Variants in KIAA1549L observed in about 807,000 individuals in gnomAD.
KIAA1549L encodes UPF0606 protein KIAA1549L.
In KIAA1549L, 88 loss-of-function variants were observed where a neutral mutation model predicts 160.7. The ratio of observed to expected loss-of-function variants is 0.55; its 90% CI spans 0.46 to 0.65. The LOEUF is 0.65. Among genes scored for constraint, KIAA1549L ranks in the 30% least tolerant of loss-of-function variants. The probability of loss-of-function intolerance (pLI) is 0.00; values close to 1 mark genes in which losing one functional copy is unlikely to be tolerated. For synonymous variants in KIAA1549L, 950 were observed against 976.7 expected (o/e 0.97, Z 0.51); for missense variants, 2,258 against 2,437.5 (o/e 0.93, Z 1.55).
At chr11:33,638,422 TAA>T (rs371077129) in intron 16 of KIAA1549L, among the ~76,000 whole-genome samples, 21 of 43,642 alleles carry the variant, frequency 4.8e-4, no homozygotes, top group East Asian at 4.7e-3. Context: ...CTAAAATAAA[TAA>T]AAAAAAAAAA....
chr11:33,581,454 C>G (rs1190081146), intron 10 of KIAA1549L, among the ~76,000 whole-genome samples: 2 of 151,836 alleles, frequency 1.3e-5, no homozygotes, highest in Non-Finnish European at 2.9e-5. Context: ...CATAAGCACA[C>G]ACTTCTATTC....
intron 1 of KIAA1549L, among the ~76,000 whole-genome samples, chr11:33,436,486 G>A (rs534534284): frequency 1.2e-4 from 19 of 152,304 alleles, no homozygotes; most frequent in Admixed American, 1.2e-3. Flanking sequence ...CCTGCTGGGG[G>A]AGGGCAGTCT....
At chr11:33,407,148 G>A (rs1469907617) in intron 1 of KIAA1549L, among the ~76,000 whole-genome samples, 3 of 139,922 alleles carry the variant, frequency 2.1e-5, no homozygotes, top group Admixed American at 7.8e-5. Flanking sequence ...GCAGTGGCGT[G>A]ATCTCGGCTC....
At chr11:33,631,496 A>G (rs546199304) in intron 16 of KIAA1549L, among the ~76,000 whole-genome samples, 3,037 of 152,010 alleles carry the variant, frequency 0.02, 121 homozygotes, top group African/African-American at 0.07. Context: ...TGTACGTTAC[A>G]GGGTTTTTAG....
At chr11:33,624,328 C>T (rs1851038161) in intron 16 of KIAA1549L, among the ~76,000 whole-genome samples, 1 of 152,178 alleles carries the variant, frequency 6.6e-6, no homozygotes, top group Non-Finnish European at 1.5e-5. Context: ...TGGGGGAATC[C>T]ATCTTCTAGT....
chr11:33,671,205 G>A lies in KIAA1549L; in HGVS notation c.*3051G>A, dbSNP rs750879044. 6 of 152,150 alleles carry A rather than the reference G, an allele frequency of 3.9e-5. No individual in the cohort carries two copies. Among genetic ancestry groups the A allele is most frequent in the Non-Finnish European group, 5.9e-5 (4 of 68,042 alleles). The allele number at this position is 152,150 out of a possible 1,614,324, so 9.4% of individuals were successfully genotyped here. A position where few individuals can be genotyped will look rare whatever the true frequency, so the allele number is the denominator to read the frequency against. On this transcript the variant is annotated 3_prime_UTR_variant, in exon 21 of 21. Transcript: ENST00000658780. ...CCAGAAAGAGTACCATCAAGGAAAC[G>A]GAGACCTCAACTGCTGTTCTAGACT...
At chr11:33,504,471 C>A (rs1853032753) in intron 1 of KIAA1549L, among the ~76,000 whole-genome samples, 1 of 151,778 alleles carries the variant, frequency 6.6e-6, no homozygotes, top group Non-Finnish European at 1.5e-5. Context: ...CTTTCCCTTT[C>A]TCTTTCCTTT....
intron 1 of KIAA1549L, among the ~76,000 whole-genome samples, chr11:33,420,208 T>A (rs1850978197): frequency 6.6e-6 from 1 of 150,946 alleles, no homozygotes; most frequent in Non-Finnish European, 1.5e-5. Flanking sequence ...TTAAGAATCT[T>A]GGTTTGTATC....
At chr11:33,574,680 T>C (rs1234101462) in intron 9 of KIAA1549L, 22 bp from the exon 10 acceptor site, 1 of 1,601,290 alleles carries the variant, frequency 6.2e-7, no homozygotes, top group South Asian at 1.1e-5. Flanking sequence ...CTGCAAACAC[T>C]CGGCCTCTCT....
chr11:33,531,133 C>A (rs543416129), intron 1 of KIAA1549L, among the ~76,000 whole-genome samples: 1 of 152,208 alleles, frequency 6.6e-6, no homozygotes, highest in East Asian at 1.9e-4. Context: ...ATCATGTAAA[C>A]CCAGGTTAAA....
In KIAA1549L at chr11:33,631,377, A is replaced by G. The variant is rs558267837; in HGVS notation, c.5409+12715A>G. Among the ~76,000 whole-genome samples the G allele has an allele frequency of 3.2e-4, 49 of 151,724 alleles. No homozygotes were observed. In the South Asian group the frequency reaches 9.8e-3, roughly 30 times the overall value. On this transcript the variant is annotated intron_variant, in intron 16 of 20. Transcript: ENST00000658780. ...CTCCGGGTTTTTGCATGCATGCATC[A>G]CTCCGCCTGGAATCTCCCTTCCCAC...
intron 1 of KIAA1549L, among the ~76,000 whole-genome samples, chr11:33,379,454 G>A (rs760412252): frequency 4.6e-5 from 7 of 152,130 alleles, no homozygotes; most frequent in African/African-American, 7.2e-5. Context: ...TTTTGGATGC[G>A]GGAGGTTGGT....
rs745747206 is a variant in KIAA1549L, at chr11:33,545,278, A to C, written c.3285A>C (p.Thr1095=). 3 of 1,613,872 alleles carry C rather than the reference A, an allele frequency of 1.9e-6. No individual in the cohort carries two copies. The African/African-American group carries it at 4.0e-5, about 22-fold the overall frequency. The part of the protein sequence containing the change: ...TRLPPLRAEN[T]DAVLPAASAA... ...TGCCACCATTGCGAGCAGAAAACACAGATGCTGTCCTTCCTGCTGCATCGG... is the reference window on the plus strand; with the variant it reads ...TGCCACCATTGCGAGCAGAAAACACCGATGCTGTCCTTCCTGCTGCATCGG... The change falls in exon 3 of 21, where the codon ACA becomes ACC. Residue 1095 remains threonine, a synonymous_variant. Transcript: ENST00000658780.
intron 1 of KIAA1549L, among the ~76,000 whole-genome samples, chr11:33,435,209 A>C (rs955056216): frequency 6.6e-6 from 1 of 152,146 alleles, no homozygotes; most frequent in African/African-American, 2.4e-5. Context: ...GGTGTTTCTG[A>C]TTTGCAAAGT....
At chr11:33,598,398 A>G (rs948004535) in intron 12 of KIAA1549L, among the ~76,000 whole-genome samples, 2 of 152,238 alleles carry the variant, frequency 1.3e-5, no homozygotes, top group East Asian at 3.8e-4. Flanking sequence ...GGTAAAGACA[A>G]TAGCCAAAGA....
At chr11:33,442,238 C>A (rs1460918273) in intron 1 of KIAA1549L, among the ~76,000 whole-genome samples, 2 of 152,020 alleles carry the variant, frequency 1.3e-5, no homozygotes, top group Non-Finnish European at 2.9e-5. Context: ...TGTAGATATG[C>A]GGCATGATTT....
At chr11:33,499,257 C>A (rs867898873) in intron 1 of KIAA1549L, among the ~76,000 whole-genome samples, 6 of 152,320 alleles carry the variant, frequency 3.9e-5, no homozygotes, top group Middle Eastern at 3.4e-3. Context: ...ACCATCTGAT[C>A]TTTGATTACT....
At chr11:33,514,079 G>A (rs531393482) in intron 1 of KIAA1549L, among the ~76,000 whole-genome samples, 134 of 152,298 alleles carry the variant, frequency 8.8e-4, no homozygotes, top group African/African-American at 3.0e-3. Flanking sequence ...GAGAAAGGTT[G>A]AGTCTTGTTG....
At chr11:33,436,952 T>TG (rs1374875402) in intron 1 of KIAA1549L, among the ~76,000 whole-genome samples, 1 of 152,174 alleles carries the variant, frequency 6.6e-6, no homozygotes, top group African/African-American at 2.4e-5. Flanking sequence ...AGCACCAACG[T>TG]GGGGTGTTCT....
Sources: gnomAD v4.1 joint callset for allele counts (sites outside exome capture counted in the v4.1 genomes callset) on GRCh38, gnomAD v4.1.1 for gene constraint, MANE v1.5 for transcripts, NCBI Gene and HGNC (gene_info 2026-07-23, HGNC 2026-07-21) for gene names.